The following MAF variants were observed in gnomAD, a reference collection of about 807,000 sequenced individuals.
MAF encodes transcription factor Maf.
Under a neutral mutation model 22.0 loss-of-function variants are expected in MAF, and 10 were observed. The ratio of observed to expected loss-of-function variants is 0.45; its 90% CI spans 0.28 to 0.77. MAF has a LOEUF of 0.77. Among genes scored for constraint, MAF ranks in the 30% least tolerant of loss-of-function variants. The pLI, the probability that MAF is intolerant of heterozygous loss-of-function variation, is 0.12. For missense variants in MAF, 544 were observed against 548.4 expected (o/e 0.99, Z 0.08); for synonymous variants, 337 against 255.8 (o/e 1.32, Z -3.03).
chr16:79,530,492 G>C, the MAF span, among the ~76,000 whole-genome samples: 1 of 151,988 alleles, frequency 6.6e-6, no homozygotes, highest in Non-Finnish European at 1.5e-5. Flanking sequence ...AATGTATGTG[G>C]AACACACTAA....
chr16:79,343,655 T>G, the MAF span, among the ~76,000 whole-genome samples: 478 of 152,346 alleles, frequency 3.1e-3, 9 homozygotes, highest in Admixed American at 0.027. Context: ...TAAAGGCCAT[T>G]TATATTAGCA....
At chr16:79,397,679 C>G in the MAF span, among the ~76,000 whole-genome samples, 4 of 152,100 alleles carry the variant, frequency 2.6e-5, no homozygotes, top group Non-Finnish European at 5.9e-5. Flanking sequence ...CTTCCTGGAC[C>G]CTGTGTTATC....
the MAF span, among the ~76,000 whole-genome samples, chr16:79,533,472 AACC>A: frequency 1.3e-5 from 2 of 152,332 alleles, no homozygotes; most frequent in East Asian, 3.9e-4. Context: ...GGTCATTCAC[AACC>A]ACTGGAATCT....
chr16:79,378,157 T>A, the MAF span, among the ~76,000 whole-genome samples: 1 of 152,180 alleles, frequency 6.6e-6, no homozygotes, highest in Non-Finnish European at 1.5e-5. Flanking sequence ...TTCCTACCCA[T>A]GAGCACTCAC....
the MAF span, among the ~76,000 whole-genome samples, chr16:79,385,979 G>A: frequency 2.0e-5 from 3 of 152,172 alleles, no homozygotes; most frequent in Admixed American, 6.5e-5. Context: ...TAGGCACCTG[G>A]CACTTTCTTA....
At chr16:79,261,441 C>A in the MAF span, among the ~76,000 whole-genome samples, 1 of 152,240 alleles carries the variant, frequency 6.6e-6, no homozygotes, top group Non-Finnish European at 1.5e-5. Context: ...GCATGAGCCA[C>A]CACGCCTGGC....
At chr16:79,579,387 T>A in the MAF span, among the ~76,000 whole-genome samples, 1 of 152,214 alleles carries the variant, frequency 6.6e-6, no homozygotes, top group African/African-American at 2.4e-5. Context: ...TATATTTATA[T>A]ACACAGATAT....
chr16:79,502,715 ATATATAT>A, the MAF span, among the ~76,000 whole-genome samples: 1,683 of 40,812 alleles, frequency 0.041, 64 homozygotes, highest in Admixed American at 0.15. Flanking sequence ...ATAAATATAT[ATATATAT>A]ATATATATAT....
At chr16:79,290,619 G>T in the MAF span, among the ~76,000 whole-genome samples, 2 of 152,100 alleles carry the variant, frequency 1.3e-5, no homozygotes, top group Non-Finnish European at 2.9e-5. Flanking sequence ...GATTTGGGCT[G>T]GGGGGTTGGC....
At chr16:79,314,971 T>G in the MAF span, among the ~76,000 whole-genome samples, 2 of 152,208 alleles carry the variant, frequency 1.3e-5, no homozygotes, top group Non-Finnish European at 2.9e-5. Context: ...TTCTCCATTG[T>G]TCCTCTGCAG....
At chr16:79,469,034 A>G in the MAF span, among the ~76,000 whole-genome samples, 4,676 of 152,202 alleles carry the variant, frequency 0.031, 231 homozygotes, top group African/African-American at 0.11. Context: ...GCTAGCAGGC[A>G]TTTATTCCTT....
chr16:79,391,939 A>G, the MAF span, among the ~76,000 whole-genome samples: 1 of 144,712 alleles, frequency 6.9e-6, no homozygotes, highest in Non-Finnish European at 1.5e-5. Context: ...GAGGAGGGGG[A>G]AGAGGAGAAG....
chr16:79,316,900 C>T, the MAF span, among the ~76,000 whole-genome samples: 1 of 152,152 alleles, frequency 6.6e-6, no homozygotes, highest in Non-Finnish European at 1.5e-5. Flanking sequence ...CATTGGACAC[C>T]AACAAAGTAG....
chr16:79,289,544 C>G, the MAF span, among the ~76,000 whole-genome samples: 1 of 152,140 alleles, frequency 6.6e-6, no homozygotes, highest in Non-Finnish European at 1.5e-5. Flanking sequence ...GGCTTCTAGG[C>G]TATTCTGGCA....
the MAF span, among the ~76,000 whole-genome samples, chr16:79,564,765 A>G: frequency 1.8e-4 from 28 of 152,242 alleles, no homozygotes; most frequent in African/African-American, 6.0e-4. Flanking sequence ...GTGAACCTTG[A>G]CCAGTCCAAA....
At chr16:79,592,415 C>T (rs1476700344), downstream of MAF, among the ~76,000 whole-genome samples, 2 of 152,198 alleles carry the variant, frequency 1.3e-5, no homozygotes, top group Non-Finnish European at 2.9e-5. Flanking sequence ...GAGAATTCCC[C>T]TTTTCTGGGG....
At chr16:79,518,724 C>T in the MAF span, among the ~76,000 whole-genome samples, 12 of 152,210 alleles carry the variant, frequency 7.9e-5, no homozygotes, top group East Asian at 1.9e-4. Context: ...TACCTCAGGT[C>T]GGAAGTTCAA....
chr16:79,429,096 G>A, the MAF span, among the ~76,000 whole-genome samples: 1 of 152,138 alleles, frequency 6.6e-6, no homozygotes, highest in African/African-American at 2.4e-5. Context: ...AGGTAATTAC[G>A]TTGGGAGCAG....
the MAF span, among the ~76,000 whole-genome samples, chr16:79,222,169 A>G: frequency 6.6e-6 from 1 of 152,116 alleles, no homozygotes; most frequent in South Asian, 2.1e-4. Context: ...CAGAAGAGAA[A>G]GGGGGCCAAT....
Sources: allele counts gnomAD v4.1 joint callset (sites outside exome capture counted in the v4.1 genomes callset), GRCh38; gene constraint gnomAD v4.1.1; transcripts MANE v1.5; gene names NCBI Gene and HGNC (gene_info 2026-07-23, HGNC 2026-07-21).